The following RXRA variants were observed in gnomAD, a reference collection of about 807,000 sequenced individuals.
RXRA encodes retinoid X receptor alpha, also known as retinoic acid receptor RXR-alpha.
Under a neutral mutation model 44.5 loss-of-function variants are expected in RXRA, and 5 were observed. The observed-to-expected ratio is 0.11, with a 90% CI of 0.06 to 0.24. The LOEUF (loss-of-function observed/expected upper bound fraction) is 0.24, where lower values mean the gene tolerates loss of function less well. RXRA is among the 10% of genes least tolerant of loss of function. The pLI, the probability that RXRA is intolerant of heterozygous loss-of-function variation, is 1.00. For synonymous variants in RXRA, 291 were observed against 271.4 expected, an observed-to-expected ratio of 1.07 and a Z score of -0.71; for missense variants, 412 against 646.5, an observed-to-expected ratio of 0.64 and a Z score of 3.93.
intron 2 of RXRA, chr9:134,402,366 C>T: frequency 6.3e-6 from 1 of 159,582 alleles, no homozygotes; most frequent in Non-Finnish European, 1.4e-5. Context: ...GCCCTGGGAC[C>T]TGCAGTGGCC....
chr9:134,410,386 G>T (rs889324686), intron 4 of RXRA, among the ~76,000 whole-genome samples: 2 of 152,212 alleles, frequency 1.3e-5, no homozygotes, highest in Non-Finnish European at 2.9e-5. Flanking sequence ...CAAGCCTTGC[G>T]CAGGGTCACA....
At chr9:134,363,434 T>C (rs982068869) in intron 1 of RXRA, among the ~76,000 whole-genome samples, 34 of 152,216 alleles carry the variant, frequency 2.2e-4, no homozygotes, top group African/African-American at 7.2e-4. Flanking sequence ...TGGTTTCTCA[T>C]CTAAAGCCCA....
Position 134,366,553 on chromosome 9 carries a change from G to T in RXRA, c.29-35079G>T, listed in dbSNP as rs1251161190. On this transcript the variant is annotated intron_variant, in intron 1 of 9. Coordinates refer to ENST00000481739, the MANE Select transcript of RXRA (RefSeq NM_002957.6). The surrounding 1 kb of genome is among the most constrained non-coding windows in gnomAD (Gnocchi z 5.9). ...TGCCATGGGCCTCCAGGTCCCCCGG[G>T]TGCTGGCCTGGGGACAGCACCACAG... Among the ~76,000 whole-genome samples the T allele has an allele frequency of 6.6e-6, 1 of 152,158 alleles. No individual in the cohort carries two copies. The highest frequency in any genetic ancestry group is 1.5e-5 in the Non-Finnish European group (1 of 68,008).
intron 1 of RXRA, among the ~76,000 whole-genome samples, chr9:134,372,861 C>T (rs752935395): frequency 2.0e-5 from 3 of 152,202 alleles, no homozygotes; most frequent in Non-Finnish European, 2.9e-5. Context: ...CTGGACTGGG[C>T]GCGGAGCTGC....
chr9:134,379,233 C>T (rs1588274649), intron 1 of RXRA: 1 of 945,086 alleles, frequency 1.1e-6, no homozygotes, highest in Non-Finnish European at 1.2e-6. Flanking sequence ...TTCCTGATCC[C>T]TGTGGGCTCC....
chr9:134,327,188 C>T (rs992662829), intron 1 of RXRA, among the ~76,000 whole-genome samples: 1 of 152,134 alleles, frequency 6.6e-6, no homozygotes, highest in Non-Finnish European at 1.5e-5. Context: ...AAGCAGCCCA[C>T]GCCCGGGTGG....
At chr9:134,334,307 A>G (rs527590270) in intron 1 of RXRA, among the ~76,000 whole-genome samples, 2 of 152,352 alleles carry the variant, frequency 1.3e-5, no homozygotes, top group East Asian at 1.9e-4. Context: ...GTGGGATCAG[A>G]AGCACCTCTC....
intron 1 of RXRA, among the ~76,000 whole-genome samples, chr9:134,396,165 G>A (rs1259695263): frequency 1.3e-5 from 2 of 152,214 alleles, no homozygotes; most frequent in Non-Finnish European, 2.9e-5. Flanking sequence ...AGGGAGTGGT[G>A]GGTCTTGTGG....
At position 134,429,214 on chromosome 9, in the gene RXRA, C is replaced by T. The variant is rs373205831; in HGVS notation, c.1017C>T (p.Ser339=). The part of the protein sequence containing the change: ...GLHVHRNSAH[S]AGVGAIFDRV... ...ACGTCCACCGGAACAGCGCCCACAGCGCAGGGGTGGGCGCCATCTTTGACA... is the reference window on the plus strand; with the variant it reads ...ACGTCCACCGGAACAGCGCCCACAGTGCAGGGGTGGGCGCCATCTTTGACA... Residue 339 remains serine, a synonymous_variant, in exon 7 of 10, where the codon AGC becomes AGT. Coordinates refer to ENST00000481739, the MANE Select transcript of RXRA (RefSeq NM_002957.6). 3.5e-5 allele frequency: 57 copies of T among 1,612,548 alleles called. No homozygotes were observed. Among genetic ancestry groups the T allele is most frequent in the South Asian group, 2.0e-4 (18 of 91,070 alleles).
intron 1 of RXRA, among the ~76,000 whole-genome samples, chr9:134,348,233 C>T (rs376359876): frequency 1.3e-5 from 2 of 152,178 alleles, no homozygotes; most frequent in East Asian, 3.8e-4. Context: ...AATGCCAGAG[C>T]TCTGGGGGAG....
intron 6 of RXRA, chr9:134,424,776 G>A: frequency 1.0e-6 from 1 of 985,490 alleles, no homozygotes; most frequent in African/African-American, 1.7e-5. Flanking sequence ...GTTGGCTGAA[G>A]GACTCTGTCC....
chr9:134,327,603 G>A (rs1644570008), intron 1 of RXRA, among the ~76,000 whole-genome samples: 1 of 152,160 alleles, frequency 6.6e-6, no homozygotes, highest in African/African-American at 2.4e-5. Flanking sequence ...AATCGAAACA[G>A]CTGATTATGA....
intron 1 of RXRA, among the ~76,000 whole-genome samples, chr9:134,382,851 G>A (rs1056590462): frequency 3.9e-5 from 6 of 152,320 alleles, no homozygotes; most frequent in South Asian, 4.1e-4. Context: ...TGAGAGCAGC[G>A]TTCGGCGAGT....
intron 9 of RXRA, among the ~76,000 whole-genome samples, chr9:134,435,208 C>G (rs1831598096): frequency 6.6e-6 from 1 of 152,230 alleles, no homozygotes; most frequent in South Asian, 2.1e-4. Flanking sequence ...TAATGAGGTC[C>G]TGCAGCCCCT....
intron 1 of RXRA, among the ~76,000 whole-genome samples, chr9:134,331,763 C>T (rs1229534545): frequency 1.7e-5 from 2 of 118,528 alleles, no homozygotes; most frequent in Non-Finnish European, 3.4e-5. Flanking sequence ...CTTTGTGTCC[C>T]GCTGTGGGGC....
At chr9:134,362,056 C>G (rs1004818713) in intron 1 of RXRA, among the ~76,000 whole-genome samples, 1 of 152,170 alleles carries the variant, frequency 6.6e-6, no homozygotes, top group Non-Finnish European at 1.5e-5. Context: ...CCTGGAGCTG[C>G]CCCCTGGCTT....
chr9:134,425,357 C>G lies in RXRA; in HGVS notation c.910+3552C>G, dbSNP rs879926378. 1.6e-5 allele frequency: 16 copies of G among 985,072 alleles called. No individual in the cohort carries two copies. The Admixed American group carries it at 7.4e-4, about 45-fold the overall frequency. The allele number at this position is 985,072 out of a possible 1,614,324, so 61.0% of individuals were successfully genotyped here. Reference sequence around the variant, plus strand: ...TGGAAGCTCTGGGTCACACCCTGACCCTTGTGTTTGTCAGATGAGTAAACT... The same window carrying G: ...TGGAAGCTCTGGGTCACACCCTGACGCTTGTGTTTGTCAGATGAGTAAACT... On this transcript the variant is annotated intron_variant, in intron 6 of 9. Coordinates refer to ENST00000481739, the MANE Select transcript of RXRA (RefSeq NM_002957.6).
chr9:134,380,092 G>A, intron 1 of RXRA: 1 of 985,466 alleles, frequency 1.0e-6, no homozygotes, highest in Non-Finnish European at 1.2e-6. Context: ...TGTTGTCGTG[G>A]TCAGTCGTGC....
chr9:134,367,810 C>T (rs1830433291), intron 1 of RXRA, among the ~76,000 whole-genome samples: 1 of 152,192 alleles, frequency 6.6e-6, no homozygotes, highest in African/African-American at 2.4e-5. Flanking sequence ...TCTCCCACAC[C>T]TGAGGGCCTG....
Sources: allele counts gnomAD v4.1 joint callset (sites outside exome capture counted in the v4.1 genomes callset), GRCh38; gene constraint gnomAD v4.1.1; non-coding constraint Gnocchi (gnomAD v3.1); transcripts MANE v1.5; gene names NCBI Gene and HGNC (gene_info 2026-07-23, HGNC 2026-07-21).